Variants in KIF13A observed in about 807,000 individuals in gnomAD.
The protein encoded by KIF13A is kinesin family member 13A.
Under a neutral mutation model 212.2 loss-of-function variants are expected in KIF13A, and 79 were observed. The observed-to-expected ratio is 0.37, with a 90% confidence interval of 0.31 to 0.45. The LOEUF is 0.45. Ranked by LOEUF, KIF13A falls within the 20% of genes least tolerant of loss-of-function variation. The pLI, the probability that KIF13A is intolerant of heterozygous loss-of-function variation, is 1.00. For synonymous variants in KIF13A, 789 were observed against 808.6 expected (o/e 0.98, Z 0.41); for missense variants, 1,901 against 2,209.0 (o/e 0.86, Z 2.79).
intron 9 of KIF13A, among the ~76,000 whole-genome samples, chr6:17,847,061 T>C (rs984277997): frequency 3.9e-5 from 6 of 152,194 alleles, no homozygotes; most frequent in Non-Finnish European, 2.9e-5. Context: ...TTCAGAATAG[T>C]GCCTGGCATT....
rs770452792 is a variant in KIF13A at position 17,764,266 on chromosome 6, A to C, written c.5262T>G (p.Ser1754=). The C allele has an allele frequency of 6.2e-7, 1 of 1,614,046 alleles. No individual in the cohort carries two copies. Among genetic ancestry groups the C allele is most frequent in the East Asian group, 2.2e-5 (1 of 44,882 alleles). The change falls in exon 39 of 39, where the codon TCT becomes TCG. Residue 1754 remains serine (S), a synonymous_variant. Transcript: ENST00000259711. The surrounding 1 kb of genome is among the most constrained non-coding windows in gnomAD (Gnocchi z 5.1). ...TCCTCCTACTGGAAAGCTCTCCAGCAGAAGAATCTGTCAAACCATCAAAAT... is the reference window on the plus strand; with the variant it reads ...TCCTCCTACTGGAAAGCTCTCCAGCCGAAGAATCTGTCAAACCATCAAAAT... ...GKDFDGLTDS[S]AGELSSRRSL...
intron 2 of KIF13A, among the ~76,000 whole-genome samples, chr6:17,958,292 C>A (rs1778524615): frequency 6.6e-6 from 1 of 152,186 alleles, no homozygotes; most frequent in South Asian, 2.1e-4. Context: ...AAGGGGTTTG[C>A]AAAAATTCTT....
Position 17,898,136 on chromosome 6 carries a change from G to C in KIF13A, c.159+32C>G, listed in dbSNP as rs766974809. Reference sequence around the variant, plus strand: ...TCCTGGATTTTTGCACACTAAGCCAGTATACATGCCAAATTTCATATTAGT... The same window carrying C: ...TCCTGGATTTTTGCACACTAAGCCACTATACATGCCAAATTTCATATTAGT... On this transcript the variant is annotated intron_variant, in intron 3 of 38. Coordinates refer to ENST00000259711, the MANE Select transcript of KIF13A (RefSeq NM_022113.6). The surrounding 1 kb of genome is among the most constrained non-coding windows in gnomAD (Gnocchi z 5.2). 5.0e-6 allele frequency: 8 copies of C among 1,608,444 alleles called. No homozygotes were observed. The African/African-American group carries it at 1.1e-4, about 22-fold the overall frequency.
At position 17,895,253 on chromosome 6, in the gene KIF13A, T is replaced by A. The variant is rs758816158; in HGVS notation, c.159+2915A>T. On this transcript the variant is annotated intron_variant, in intron 3 of 38. Transcript: ENST00000259711. The surrounding 1 kb of genome is among the most constrained non-coding windows in gnomAD (Gnocchi z 4.4). ...TCTAATAATTTGGTCATCTGAAGCA[T>A]CTATGGGTCTATTTCTAATTTTTAT... Among the ~76,000 whole-genome samples, 2 of 152,246 alleles carry A rather than the reference T, an allele frequency of 1.3e-5. No homozygotes were observed. The highest frequency in any genetic ancestry group is 2.9e-5 in the Non-Finnish European group (2 of 68,042).
At chr6:17,927,302 G>C (rs1194309792) in intron 2 of KIF13A, among the ~76,000 whole-genome samples, 1 of 152,100 alleles carries the variant, frequency 6.6e-6, no homozygotes, top group Non-Finnish European at 1.5e-5. Context: ...AAACAAAATG[G>C]GGTATATACT....
At position 17,800,025 on chromosome 6, in the gene KIF13A, C is replaced by G. The variant is rs1448656729; in HGVS notation, c.2543G>C (p.Ser848Thr). The change falls in exon 21 of 39, where the codon AGT (serine) becomes ACT (threonine). Residue 848 changes from serine to threonine, a missense_variant. Ser to Thr is a moderately conservative substitution (Grantham distance 58). Transcript: ENST00000259711. ...VVEDDSSENS[S>T]ESGSLEVVDS... ...TACGACTTCAAGGCTCCCACTTTCA[C>G]TGGAATTCTCCGAAGAGTCATCCTC... The G allele has an allele frequency of 3.1e-6, 5 of 1,614,040 alleles. No homozygotes were observed. The highest frequency in any genetic ancestry group is 1.7e-5 in the Admixed American group (1 of 60,022).
intron 2 of KIF13A, among the ~76,000 whole-genome samples, chr6:17,975,455 G>A (rs940707544): frequency 6.6e-5 from 10 of 152,270 alleles, no homozygotes; most frequent in Middle Eastern, 6.8e-3. Context: ...CAAAAGTGAA[G>A]CTACAGACCT....
At chr6:17,775,795 T>C (rs191841354) in intron 34 of KIF13A, among the ~76,000 whole-genome samples, 118 of 152,252 alleles carry the variant, frequency 7.8e-4, no homozygotes, top group African/African-American at 2.7e-3. Flanking sequence ...CAAGCAATCC[T>C]CTCGCCTTGG....
At chr6:17,944,947 A>G (rs1386936634) in intron 2 of KIF13A, among the ~76,000 whole-genome samples, 1 of 152,134 alleles carries the variant, frequency 6.6e-6, no homozygotes, top group African/African-American at 2.4e-5. Flanking sequence ...AGCATTTCTA[A>G]GCTACAAGAA....
intron 23 of KIF13A, 26 bp downstream of exon 23, chr6:17,796,643 C>T: frequency 7.0e-7 from 1 of 1,435,544 alleles, no homozygotes; most frequent in Non-Finnish European, 9.3e-7. Context: ...TAACCTTGTA[C>T]CTAAAGCTCA....
chr6:17,777,432 G>T lies in KIF13A; in HGVS notation c.4093-78C>A. 8.4e-7 allele frequency: 1 copy of T among 1,194,970 alleles called. No individual in the cohort carries two copies. Among genetic ancestry groups the T allele is most frequent in the Non-Finnish European group, 1.2e-6 (1 of 824,858 alleles). 74.0% of individuals were successfully genotyped at this position (1,194,970 alleles called of 1,614,324 possible). On this transcript the variant is annotated intron_variant, in intron 33 of 38. Coordinates refer to ENST00000259711, the MANE Select transcript of KIF13A (RefSeq NM_022113.6). This position sits in a 1 kb window ranked among gnomAD's most constrained non-coding sequence, Gnocchi z 4.4. ...AGAGTCTCACTCTGTTGCCCAGGCTGGAGTGTAGTGATGCGATCTCTGCTC... is the reference window on the plus strand; with the variant it reads ...AGAGTCTCACTCTGTTGCCCAGGCTTGAGTGTAGTGATGCGATCTCTGCTC...
chr6:17,908,583 G>A (rs952689129), intron 2 of KIF13A, among the ~76,000 whole-genome samples: 1 of 151,886 alleles, frequency 6.6e-6, no homozygotes, highest in African/African-American at 2.4e-5. Context: ...GAGCCTAGGC[G>A]ACAGAGCGAG....
intron 2 of KIF13A, among the ~76,000 whole-genome samples, chr6:17,905,001 G>C (rs531541968): frequency 6.6e-6 from 1 of 152,208 alleles, no homozygotes; most frequent in Admixed American, 6.5e-5. Context: ...ACAGGTCATC[G>C]AAATCTTCTA....
rs185313345 is a variant in KIF13A, at chr6:17,969,543, T to C, written c.146+17511A>G. 1.9e-3 allele frequency among the ~76,000 whole-genome samples: 285 copies of C among 152,318 alleles called. 1 individual carries two copies. Among genetic ancestry groups the C allele is most frequent in the African/African-American group, 6.3e-3 (262 of 41,582 alleles). ...AGTGACACACTGTGTTCAATAATAT[T>C]AGGTTTCTATACTTTTATTTTTCTT... On this transcript the variant is annotated intron_variant, in intron 2 of 38. Transcript: ENST00000259711.
chr6:17,794,972 A>C lies in KIF13A; in HGVS notation c.2943-268T>G. On this transcript the variant is annotated intron_variant, in intron 23 of 38. Coordinates refer to ENST00000259711, the MANE Select transcript of KIF13A (RefSeq NM_022113.6). This position sits in a 1 kb window ranked among gnomAD's most constrained non-coding sequence, Gnocchi z 4.1. ...TGCACATATGAGTGTAACCTGCCCTATCACCTCAGAAAGTTTGCTCATATG... is the reference window on the plus strand; with the variant it reads ...TGCACATATGAGTGTAACCTGCCCTCTCACCTCAGAAAGTTTGCTCATATG... 2.9e-6 allele frequency: 1 copy of C among 344,646 alleles called. No homozygotes were observed. The highest frequency in any genetic ancestry group is 5.2e-6 in the Non-Finnish European group (1 of 190,760). The allele number at this position is 344,646 out of a possible 1,614,324, so 21.3% of individuals were successfully genotyped here. A position where few individuals can be genotyped will look rare whatever the true frequency, so the allele number is the denominator to read the frequency against.
At chr6:17,842,043 A>C (rs1348475994) in intron 9 of KIF13A, among the ~76,000 whole-genome samples, 1 of 151,178 alleles carries the variant, frequency 6.6e-6, no homozygotes, top group African/African-American at 2.4e-5. Context: ...GTATACACTT[A>C]TACATATATT....
intron 3 of KIF13A, among the ~76,000 whole-genome samples, chr6:17,885,541 C>T (rs1771466189): frequency 1.3e-5 from 2 of 152,348 alleles, no homozygotes; most frequent in African/African-American, 4.8e-5. Context: ...TGTCCCTGAT[C>T]TCAGGGAATG....
At chr6:17,889,833 A>G (rs527374653) in intron 3 of KIF13A, among the ~76,000 whole-genome samples, 8 of 152,212 alleles carry the variant, frequency 5.3e-5, no homozygotes, top group African/African-American at 1.9e-4. Context: ...GTCTTGAATA[A>G]AAAGATTTAA....
In KIF13A at chr6:17,951,412, T is replaced by C; in HGVS notation, c.146+35642A>G. 2 of 596,902 alleles carry C rather than the reference T, an allele frequency of 3.4e-6. No homozygotes were observed. The highest frequency in any genetic ancestry group is 3.1e-5 in the East Asian group (1 of 32,432). The allele number at this position is 596,902 out of a possible 1,614,324, so 37.0% of individuals were successfully genotyped here. A position where few individuals can be genotyped will look rare whatever the true frequency, so the allele number is the denominator to read the frequency against. On this transcript the variant is annotated intron_variant, in intron 2 of 38. Transcript: ENST00000259711. This position sits in a 1 kb window ranked among gnomAD's most constrained non-coding sequence, Gnocchi z 4.9. The stretch of plus-strand genomic sequence containing the variant: ...TCCCAAAGTGCTGGAATTAGAGATG[T>C]GAGCCACTGTGACCAGCCTCAATTT...
Sources: allele counts gnomAD v4.1 joint callset (sites outside exome capture counted in the v4.1 genomes callset), GRCh38; gene constraint gnomAD v4.1.1; non-coding constraint Gnocchi (gnomAD v3.1); transcripts MANE v1.5; gene names NCBI Gene and HGNC (gene_info 2026-07-23, HGNC 2026-07-21).